The following ROBO2 variants were observed in gnomAD, a reference collection of about 807,000 sequenced individuals.
ROBO2 encodes the protein roundabout homolog 2.
Under a neutral mutation model 160.8 loss-of-function variants are expected in ROBO2, and 53 were observed. The ratio of observed to expected loss-of-function variants is 0.33; its 90% CI spans 0.26 to 0.41. ROBO2 has a LOEUF of 0.41. Ranked by LOEUF, ROBO2 falls within the 10% of genes least tolerant of loss-of-function variation. The probability of loss-of-function intolerance (pLI) is 1.00; values close to 1 mark genes in which losing one functional copy is unlikely to be tolerated. For missense variants in ROBO2, 1,577 were observed against 1,722.4 expected, an observed-to-expected ratio of 0.92 and a Z score of 1.49; for synonymous variants, 664 against 611.7, an observed-to-expected ratio of 1.09 and a Z score of -1.26.
At chr3:76,075,190 C>T (rs942150135) in intron 2 of ROBO2, among the ~76,000 whole-genome samples, 6 of 151,904 alleles carry the variant, frequency 3.9e-5, no homozygotes, top group African/African-American at 1.4e-4. Flanking sequence ...GCTTTCTGTG[C>T]CAGGGCCACC....
At chr3:76,256,198 T>C (rs886422888) in intron 2 of ROBO2, among the ~76,000 whole-genome samples, 2 of 151,940 alleles carry the variant, frequency 1.3e-5, no homozygotes, top group African/African-American at 4.8e-5. Flanking sequence ...TAGTCCCAGC[T>C]GCTAGGGAGG....
chr3:76,359,568 G>A (rs2075383554), intron 2 of ROBO2, among the ~76,000 whole-genome samples: 1 of 152,012 alleles, frequency 6.6e-6, no homozygotes, highest in South Asian at 2.1e-4. Flanking sequence ...ACAATGGTAA[G>A]ATGATCCATA....
chr3:76,750,958 A>G (rs927781495), intron 2 of ROBO2, among the ~76,000 whole-genome samples: 4 of 152,124 alleles, frequency 2.6e-5, no homozygotes, highest in African/African-American at 9.7e-5. Context: ...TAAAGTTCAT[A>G]TGGAACCTAA....
intron 24 of ROBO2, among the ~76,000 whole-genome samples, chr3:77,640,459 A>T (rs1005135001): frequency 6.6e-6 from 1 of 152,132 alleles, no homozygotes; most frequent in Non-Finnish European, 1.5e-5. Flanking sequence ...TCATACATGA[A>T]ATTTGAGAAG....
rs574538483 is a variant in ROBO2, at chr3:76,364,487, A to G, written c.109+426885A>G. On this transcript the variant is annotated intron_variant, in intron 2 of 26. Coordinates refer to the ROBO2 transcript ENST00000487694. The stretch of plus-strand genomic sequence containing the variant: ...ACGCCTGTCAAATAATAGGTACTCA[A>G]TATATACTAGTTAAACTGAAAAGTA... 1.7e-4 allele frequency among the ~76,000 whole-genome samples: 26 copies of G among 152,144 alleles called. No individual in the cohort carries two copies. In the East Asian group the frequency reaches 2.7e-3, roughly 16 times the overall value.
chr3:76,200,546 G>T lies in ROBO2; in HGVS notation c.109+262944G>T, dbSNP rs951188979. ...ACCTTGCACCAAATTTGTCAGAAAAGCAATAGATTAATACGTCCAGTATAG... is the reference window on the plus strand; with the variant it reads ...ACCTTGCACCAAATTTGTCAGAAAATCAATAGATTAATACGTCCAGTATAG... On this transcript the variant is annotated intron_variant, in intron 2 of 26. Coordinates refer to the ROBO2 transcript ENST00000487694. Among the ~76,000 whole-genome samples the T allele has an allele frequency of 4.5e-4, 69 of 152,188 alleles. 1 individual carries two copies. Among genetic ancestry groups the T allele is most frequent in the Admixed American group, 2.0e-3 (31 of 15,268 alleles).
chr3:76,382,777 G>A (rs986913187), intron 2 of ROBO2, among the ~76,000 whole-genome samples: 1 of 152,132 alleles, frequency 6.6e-6, no homozygotes, highest in Non-Finnish European at 1.5e-5. Context: ...TGGAGAAAAT[G>A]GGTTTTCAAG....
intron 2 of ROBO2, among the ~76,000 whole-genome samples, chr3:76,102,978 C>T (rs2069762100): frequency 6.6e-6 from 1 of 152,106 alleles, no homozygotes; most frequent in African/African-American, 2.4e-5. Context: ...GCGCCGCCAC[C>T]ACGCCTGGAT....
intron 2 of ROBO2, among the ~76,000 whole-genome samples, chr3:76,175,662 G>A (rs2073203534): frequency 3.3e-5 from 5 of 152,034 alleles, no homozygotes; most frequent in Admixed American, 3.3e-4. Context: ...GGAACTGCTG[G>A]TTCCTGACTT....
chr3:76,466,083 A>G (rs989694641), intron 2 of ROBO2, among the ~76,000 whole-genome samples: 14 of 151,866 alleles, frequency 9.2e-5, no homozygotes, highest in African/African-American at 3.4e-4. Context: ...TATAAAATGT[A>G]CATAATTTTT....
At chr3:77,281,651 T>C (rs1203881605) in intron 2 of ROBO2, among the ~76,000 whole-genome samples, 2 of 152,206 alleles carry the variant, frequency 1.3e-5, no homozygotes, top group Non-Finnish European at 2.9e-5. Context: ...CTATCACCTA[T>C]GTGCATCCTT....
At chr3:76,192,870 AC>A (rs1702081639) in intron 2 of ROBO2, among the ~76,000 whole-genome samples, 4 of 152,116 alleles carry the variant, frequency 2.6e-5, no homozygotes, top group African/African-American at 9.7e-5. Context: ...AGCTGCTTAC[AC>A]TTACTGTATT....
chr3:77,141,946 A>G (rs1344788768), intron 2 of ROBO2, among the ~76,000 whole-genome samples: 2 of 152,190 alleles, frequency 1.3e-5, no homozygotes, highest in Non-Finnish European at 2.9e-5. Flanking sequence ...TATTCCGTTA[A>G]TGTAGTTTTA....
chr3:77,566,902 T>C (rs1441039044), intron 12 of ROBO2, among the ~76,000 whole-genome samples: 1 of 152,104 alleles, frequency 6.6e-6, no homozygotes. Context: ...CACTGTGAAC[T>C]CTTATTTTTC....
At position 77,624,827 on chromosome 3, in the gene ROBO2, G is replaced by A. The variant is rs186377017; in HGVS notation, c.3760+2395G>A. Among the ~76,000 whole-genome samples, 8 of 152,230 alleles carry A rather than the reference G, an allele frequency of 5.3e-5. No homozygotes were observed. The East Asian group carries it at 1.2e-3, about 22-fold the overall frequency. On this transcript the variant is annotated intron_variant, in intron 23 of 25. Coordinates refer to ENST00000461745, the Ensembl canonical transcript of ROBO2. ...TTAAAGAGATCTAACAGTTACAGGA[G>A]GCAGCATGGGTTACACAGTCCCTGA...
chr3:77,409,849 T>C (rs1051268179), intron 2 of ROBO2, among the ~76,000 whole-genome samples: 1 of 152,144 alleles, frequency 6.6e-6, no homozygotes, highest in African/African-American at 2.4e-5. Flanking sequence ...GAATAATATG[T>C]AACGTACACA....
chr3:77,009,656 A>G (rs1307139623), intron 2 of ROBO2, among the ~76,000 whole-genome samples: 1 of 152,154 alleles, frequency 6.6e-6, no homozygotes, highest in Non-Finnish European at 1.5e-5. Flanking sequence ...ACTGAAAAAT[A>G]TACTATTTAA....
At chr3:77,079,738 T>A (rs960656228) in intron 1 of ROBO2, among the ~76,000 whole-genome samples, 1 of 152,220 alleles carries the variant, frequency 6.6e-6, no homozygotes, top group African/African-American at 2.4e-5. Context: ...TAGGGGAATG[T>A]TGAATCTGTG....
At chr3:76,590,971 C>T (rs954878180) in intron 2 of ROBO2, among the ~76,000 whole-genome samples, 9 of 152,012 alleles carry the variant, frequency 5.9e-5, no homozygotes, top group South Asian at 2.1e-4. Flanking sequence ...TACATATCTG[C>T]GATAATTTTA....
Sources: gnomAD v4.1 joint callset for allele counts (sites outside exome capture counted in the v4.1 genomes callset) on GRCh38, gnomAD v4.1.1 for gene constraint, MANE v1.5 for transcripts, NCBI Gene and HGNC (gene_info 2026-07-23, HGNC 2026-07-21) for gene names.